Variants in CD101 observed in about 807,000 individuals in gnomAD.
CD101 encodes the protein immunoglobulin superfamily member 2.
In CD101, 76 loss-of-function variants were observed where a neutral mutation model predicts 98.2. The observed-to-expected ratio is 0.77, with a 90% CI of 0.64 to 0.94. The LOEUF is 0.94. CD101 is among the 40% of genes least tolerant of loss of function. CD101 has a pLI of 0.00. For missense variants in CD101, 1,145 were observed against 1,218.8 expected (o/e 0.94, Z 0.90); for synonymous variants, 471 against 472.7 (o/e 1.00, Z 0.05).
In CD101 at chr1:117,005,052, C is replaced by T. The variant is rs1652452448; in HGVS notation, c.43+3192C>T. On this transcript the variant is annotated intron_variant, in intron 1 of 9. Coordinates refer to ENST00000682167, the MANE Select transcript of CD101 (RefSeq NM_001256106.3). This position sits in a 1 kb window ranked among gnomAD's most constrained non-coding sequence, Gnocchi z 4.4. ...GGACTCTTTTACAAGGGCATTAATCCCATTCATGAGAGCACAGCCCTCATG... is the reference window on the plus strand; with the variant it reads ...GGACTCTTTTACAAGGGCATTAATCTCATTCATGAGAGCACAGCCCTCATG... Among the ~76,000 whole-genome samples the T allele has an allele frequency of 6.6e-6, 1 of 152,012 alleles. No homozygotes were observed. The highest frequency in any genetic ancestry group is 2.4e-5 in the African/African-American group (1 of 41,372).
Position 117,033,993 on chromosome 1 carries a change from A to G in CD101, c.2958A>G (p.Thr986=), listed in dbSNP as rs763663853. The G allele has an allele frequency of 6.2e-7, 1 of 1,614,140 alleles. No homozygotes were observed. Among genetic ancestry groups the G allele is most frequent in the Non-Finnish European group, 8.5e-7 (1 of 1,180,032 alleles). ...CLYWKARKLS[T]LRSNTRKEKA... ...ACTGGAAGGCCAGGAAGTTGTCAAC[A>G]CTGCGTTCCAACACACGGAAAGAAA... is the stretch of plus-strand genomic sequence containing the variant. The change falls in exon 9 of 10, where the codon ACA becomes ACG. Residue 986 remains threonine (T), a synonymous_variant. Transcript: ENST00000682167. The surrounding 1 kb of genome is among the most constrained non-coding windows in gnomAD (Gnocchi z 4.8).
chr1:117,002,017 G>A (rs1007855186), intron 1 of CD101, among the ~76,000 whole-genome samples, 157 bp downstream of exon 1: 1 of 152,166 alleles, frequency 6.6e-6, no homozygotes, highest in African/African-American at 2.4e-5. Flanking sequence ...ACAGTTCTTG[G>A]CTTACCTAGA....
Position 117,016,202 on chromosome 1 carries a change from T to A in CD101, c.1229-888T>A, listed in dbSNP as rs527328094. On this transcript the variant is annotated intron_variant, in intron 4 of 9. Transcript: ENST00000682167. The stretch of plus-strand genomic sequence containing the variant: ...GACACACATTTATATATATATATAT[T>A]TATTTATATATATATATAAAATGTA... Among the ~76,000 whole-genome samples the A allele has an allele frequency of 3.3e-3, 486 of 147,520 alleles. 3 individuals carry two copies. The highest frequency in any genetic ancestry group is 0.011 in the African/African-American group (433 of 40,724).
At chr1:117,028,594 T>C (rs1654115629) in intron 8 of CD101, among the ~76,000 whole-genome samples, 1 of 152,092 alleles carries the variant, frequency 6.6e-6, no homozygotes, top group Admixed American at 6.5e-5. Context: ...CTGGGATAAA[T>C]TGCCATTTCT....
intron 1 of CD101, among the ~76,000 whole-genome samples, chr1:117,007,700 T>C (rs1448218770): frequency 6.6e-6 from 1 of 152,218 alleles, no homozygotes; most frequent in East Asian, 1.9e-4. Context: ...CATCACTAAA[T>C]AATACAGTGT....
intron 2 of CD101, among the ~76,000 whole-genome samples, chr1:117,011,126 A>G (rs967104140): frequency 6.6e-6 from 1 of 152,224 alleles, no homozygotes; most frequent in African/African-American, 2.4e-5. Context: ...TTACATTATT[A>G]GATTATTACA....
rs1553188557 is a variant in CD101 at position 117,030,405 on chromosome 1, A to AAG, written c.2825-3441_2825-3440dup. 2.8e-3 allele frequency among the ~76,000 whole-genome samples: 417 copies of AAG among 149,350 alleles called. 5 individuals carry two copies. The highest frequency in any genetic ancestry group is 9.6e-3 in the African/African-American group (394 of 40,866). ...AAACAAACAAACAAACAAACAAACA[A>AAG]AGAGAGAGAGAGAGAAAGAGACAGA... On this transcript the variant is annotated intron_variant, in intron 8 of 9. Transcript: ENST00000682167.
In CD101 at chr1:117,018,396, A is replaced by T; in HGVS notation, c.1853A>T (p.Gln618Leu). ...TTCCAAAAGAAGACGAAAGTGTCGC[A>T]GTCTTTATTTCGTTCACAACTCCTA... ...SRFQKKTKVS[Q>L]SLFRSQLLVH... Residue 618 changes from glutamine to leucine, a missense_variant, in exon 6 of 10, where the codon CAG becomes CTG. Gln to Leu is a moderately radical substitution (Grantham distance 113). Transcript: ENST00000682167. The surrounding 1 kb of genome is among the most constrained non-coding windows in gnomAD (Gnocchi z 4.3). 1 of 1,614,196 alleles carries T rather than the reference A, an allele frequency of 6.2e-7. No individual in the cohort carries two copies. Among genetic ancestry groups the T allele is most frequent in the Non-Finnish European group, 8.5e-7 (1 of 1,180,036 alleles).
chr1:117,033,763 A>T lies in CD101; in HGVS notation c.2825-97A>T, dbSNP rs1654613505. ...CTATTTGGCCCCATTATTTTTACAT[A>T]TACTTGCCTATAACAATAAATCCCA... On this transcript the variant is annotated intron_variant, in intron 8 of 9. Transcript: ENST00000682167. The surrounding 1 kb of genome is among the most constrained non-coding windows in gnomAD (Gnocchi z 4.8). The T allele has an allele frequency of 2.0e-6, 3 of 1,523,328 alleles. No individual in the cohort carries two copies. Among genetic ancestry groups the T allele is most frequent in the Admixed American group, 1.8e-5 (1 of 54,850 alleles). 94.4% of individuals were successfully genotyped at this position (1,523,328 alleles called of 1,614,324 possible).
At position 117,019,872 on chromosome 1, in the gene CD101, G is replaced by A. The variant is rs907250405; in HGVS notation, c.2017+1312G>A. 6.6e-6 allele frequency among the ~76,000 whole-genome samples: 1 copy of A among 152,112 alleles called. No homozygotes were observed. The highest frequency in any genetic ancestry group is 1.5e-5 in the Non-Finnish European group (1 of 68,024). ...AAACCTGAGTCATCACAACTCTTAT[G>A]TTCACCTTGTATCTAAACTCCCACA... On this transcript the variant is annotated intron_variant, in intron 6 of 9. Transcript: ENST00000682167. The surrounding 1 kb of genome is among the most constrained non-coding windows in gnomAD (Gnocchi z 4.3).
In CD101 at chr1:117,001,763, C is replaced by G; in HGVS notation, c.-55C>G. On this transcript the variant is annotated 5_prime_UTR_variant, in exon 1 of 10. Transcript: ENST00000682167. ...CAGTGAGAGCACAGCATTTGTCACTCAACCTCTGAATGTTAGTGACACTAT... is the reference window on the plus strand; with the variant it reads ...CAGTGAGAGCACAGCATTTGTCACTGAACCTCTGAATGTTAGTGACACTAT... 1.3e-6 allele frequency: 2 copies of G among 1,546,676 alleles called. No individual in the cohort carries two copies. The highest frequency in any genetic ancestry group is 1.1e-5 in the South Asian group (1 of 89,258).
chr1:117,027,805 C>T (rs1036487745), intron 8 of CD101, among the ~76,000 whole-genome samples: 1 of 152,268 alleles, frequency 6.6e-6, no homozygotes, highest in South Asian at 2.1e-4. Context: ...AATTGGAGGT[C>T]GGGCACAGTG....
At chr1:117,008,160 A>G (rs1030856024) in intron 1 of CD101, among the ~76,000 whole-genome samples, 3 of 152,194 alleles carry the variant, frequency 2.0e-5, no homozygotes, top group African/African-American at 7.2e-5. Context: ...TGAATAAATT[A>G]GTGTATTCTA....
intron 8 of CD101, chr1:117,026,546 A>C (rs966883293): frequency 6.6e-6 from 1 of 152,254 alleles, no homozygotes; most frequent in Admixed American, 6.5e-5. Context: ...CTTCTTTCCA[A>C]CAATTACAGG....
At chr1:117,025,362 C>A in intron 7 of CD101, 147 bp from the exon 8 acceptor site, 1 of 675,452 alleles carries the variant, frequency 1.5e-6, no homozygotes, top group Non-Finnish European at 2.2e-6. Context: ...GACTCTGTCT[C>A]AAAAAATAAA....
At chr1:117,034,169 A>G in intron 9 of CD101, 35 bp downstream of exon 9, 3 of 1,566,740 alleles carry the variant, frequency 1.9e-6, no homozygotes, top group Non-Finnish European at 2.6e-6. Context: ...CCAGGGTGTG[A>G]ATGAATCCTG....
Position 117,004,369 on chromosome 1 carries a change from T to A in CD101, c.43+2509T>A, listed in dbSNP as rs988373457. 3.3e-4 allele frequency among the ~76,000 whole-genome samples: 51 copies of A among 152,326 alleles called. No homozygotes were observed. Among genetic ancestry groups the A allele is most frequent in the African/African-American group, 1.2e-3 (49 of 41,578 alleles). ...ACTGCTGTTTTTTTGGTATAAAAAG[T>A]GCTCAAGTATGGACCATTTTATACA... On this transcript the variant is annotated intron_variant, in intron 1 of 9. Coordinates refer to ENST00000682167, the MANE Select transcript of CD101 (RefSeq NM_001256106.3). The surrounding 1 kb of genome is among the most constrained non-coding windows in gnomAD (Gnocchi z 4.1).
chr1:117,017,109 T>A lies in CD101; in HGVS notation c.1248T>A (p.Ser416=), dbSNP rs201588674. 3.3e-5 allele frequency: 53 copies of A among 1,613,866 alleles called. No individual in the cohort carries two copies. The South Asian group carries it at 5.8e-4, about 18-fold the overall frequency. ...TCACAGCAAGAAGTGTGGTCATGTC[T>A]ACCAAGAACAAGCAGCAAGTTGTGT... ...RKPAARSVVM[S]TKNKQQVVWE... The change falls in exon 5 of 10, where the codon TCT becomes TCA. Residue 416 remains serine, a synonymous_variant. Transcript: ENST00000682167.
Position 117,018,195 on chromosome 1 carries a change from A to T in CD101, c.1652A>T (p.Gln551Leu), listed in dbSNP as rs1292218119. The change falls in exon 6 of 10, where the codon CAA (glutamine) becomes CTA (leucine). Residue 551 changes from glutamine to leucine, a missense_variant. Gln to Leu is a moderately radical substitution (Grantham distance 113). Coordinates refer to ENST00000682167, the MANE Select transcript of CD101 (RefSeq NM_001256106.3). The surrounding 1 kb of genome is among the most constrained non-coding windows in gnomAD (Gnocchi z 4.3). ...GTTAGTCTGATGAGCCGTCAGCCGCAAGTGATGTTAACCAACACCTTTGAC... is the reference window on the plus strand; with the variant it reads ...GTTAGTCTGATGAGCCGTCAGCCGCTAGTGATGTTAACCAACACCTTTGAC... The part of the protein sequence containing the change: ...LQVSLMSRQP[Q>L]VMLTNTFDLS... 1.2e-6 allele frequency: 2 copies of T among 1,609,060 alleles called. No homozygotes were observed. The highest frequency in any genetic ancestry group is 1.7e-6 in the Non-Finnish European group (2 of 1,176,750).
Sources: allele counts gnomAD v4.1 joint callset (sites outside exome capture counted in the v4.1 genomes callset), GRCh38; gene constraint gnomAD v4.1.1; non-coding constraint Gnocchi (gnomAD v3.1); transcripts MANE v1.5; gene names NCBI Gene and HGNC (gene_info 2026-07-23, HGNC 2026-07-21).